The following NARS2 variants were observed in gnomAD, a reference collection of about 807,000 sequenced individuals.
NARS2 encodes the protein asparaginyl-tRNA synthetase 2, mitochondrial.
A neutral mutation model predicts 62.9 loss-of-function variants in NARS2; 60 were observed. The ratio of observed to expected loss-of-function variants is 0.95; its 90% confidence interval spans 0.77 to 1.18. The LOEUF is 1.18. Ranked by LOEUF, NARS2 falls within the 50% of genes most tolerant of loss-of-function variation. NARS2 has a pLI of 0.00. For missense variants in NARS2, 619 were observed against 576.4 expected, an observed-to-expected ratio of 1.07 and a Z score of -0.76; for synonymous variants, 196 against 200.0, an observed-to-expected ratio of 0.98 and a Z score of 0.17.
chr11:78,478,923 G>A (rs1461397143), intron 7 of NARS2, among the ~76,000 whole-genome samples: 1 of 152,270 alleles, frequency 6.6e-6, no homozygotes, highest in South Asian at 2.1e-4. Flanking sequence ...TTCAATGCTG[G>A]TAAAGAAGTG....
At chr11:78,439,438 T>C (rs924804315) in intron 13 of NARS2, among the ~76,000 whole-genome samples, 4 of 152,152 alleles carry the variant, frequency 2.6e-5, no homozygotes, top group Non-Finnish European at 5.9e-5. Context: ...CAGGCTTATC[T>C]ACCTAATAGC....
chr11:78,509,826 C>CAA (rs71046976), intron 6 of NARS2, among the ~76,000 whole-genome samples: 2,283 of 116,150 alleles, frequency 0.02, 39 homozygotes, highest in African/African-American at 0.05. Context: ...GACTCTGTCT[C>CAA]AAAAAAAAAA....
chr11:78,574,609 T>G lies in NARS2; in HGVS notation c.-121A>C. Reference sequence around the variant, plus strand: ...CGGCCGCAGCTCTGCTCTAAGGCACTCCAGAGCCCCTCGGCTGCGCGCTTT... The same window carrying G: ...CGGCCGCAGCTCTGCTCTAAGGCACGCCAGAGCCCCTCGGCTGCGCGCTTT... On this transcript the variant is annotated 5_prime_UTR_variant, in exon 1 of 14. Transcript: ENST00000281038. The G allele has an allele frequency of 9.0e-7, 1 of 1,115,492 alleles. No individual in the cohort carries two copies. Among genetic ancestry groups the G allele is most frequent in the Non-Finnish European group, 1.2e-6 (1 of 807,116 alleles). 69.1% of individuals were successfully genotyped at this position (1,115,492 alleles called of 1,614,324 possible). A position where few individuals can be genotyped will look rare whatever the true frequency, so the allele number is the denominator to read the frequency against.
intron 3 of NARS2, among the ~76,000 whole-genome samples, chr11:78,566,938 C>T (rs1039872612): frequency 1.4e-5 from 2 of 139,318 alleles, no homozygotes; most frequent in Non-Finnish European, 3.2e-5. Context: ...AAGAGCTACA[C>T]TGGCAGCCTG....
chr11:78,490,280 T>C (rs1859760543), intron 7 of NARS2, among the ~76,000 whole-genome samples: 1 of 152,194 alleles, frequency 6.6e-6, no homozygotes, highest in South Asian at 2.1e-4. Flanking sequence ...ACTGTTCTCC[T>C]GGGATAACTG....
At chr11:78,571,503 TACAC>T in intron 1 of NARS2, 59 bp from the exon 2 acceptor site, 1 of 1,155,634 alleles carries the variant, frequency 8.7e-7, no homozygotes, top group East Asian at 2.4e-5. Context: ...TCATTACACA[TACAC>T]ACACAGACTA....
intron 5 of NARS2, among the ~76,000 whole-genome samples, chr11:78,556,656 C>T (rs1048995402): frequency 1.3e-5 from 2 of 152,152 alleles, no homozygotes; most frequent in Non-Finnish European, 2.9e-5. Context: ...GGAAGTGTTG[C>T]CTGATTCTTG....
chr11:78,499,211 C>T (rs1042590440), intron 6 of NARS2, among the ~76,000 whole-genome samples: 8 of 152,098 alleles, frequency 5.3e-5, no homozygotes, highest in East Asian at 1.9e-4. Flanking sequence ...CCACCGCGCC[C>T]GGCCCATCCT....
intron 5 of NARS2, among the ~76,000 whole-genome samples, chr11:78,547,131 G>T (rs1293270575): frequency 6.6e-6 from 1 of 152,030 alleles, no homozygotes; most frequent in African/African-American, 2.4e-5. Flanking sequence ...AGGAATTAGA[G>T]AACAGCCTGG....
intron 5 of NARS2, among the ~76,000 whole-genome samples, chr11:78,551,176 A>C (rs920482474): frequency 3.3e-5 from 5 of 152,210 alleles, no homozygotes; most frequent in Non-Finnish European, 5.9e-5. Context: ...ACTGAAAACC[A>C]TGCAACTTTA....
Position 78,458,500 on chromosome 11 carries a change from G to A in NARS2, c.1164+7376C>T, listed in dbSNP as rs931777577. ...TTATAATACACAGAGGTGGGGTGGGGACTTGAACCCAAGAGTGTCTAACTC... is the reference window on the plus strand; with the variant it reads ...TTATAATACACAGAGGTGGGGTGGGAACTTGAACCCAAGAGTGTCTAACTC... On this transcript the variant is annotated intron_variant, in intron 11 of 13. Transcript: ENST00000281038. Among the ~76,000 whole-genome samples, 14 of 152,214 alleles carry A rather than the reference G, an allele frequency of 9.2e-5. No individual in the cohort carries two copies. The East Asian group carries it at 2.7e-3, about 29-fold the overall frequency.
chr11:78,567,663 AT>A (rs1247756039), intron 3 of NARS2, among the ~76,000 whole-genome samples: 1 of 152,232 alleles, frequency 6.6e-6, no homozygotes, highest in Non-Finnish European at 1.5e-5. Context: ...TTTTACATCA[AT>A]TAGAATTTCT....
In NARS2 at chr11:78,559,536, T is replaced by TG; in HGVS notation, c.594+2_594+3insC. 1 of 1,596,664 alleles carries TG rather than the reference T, an allele frequency of 6.3e-7. No homozygotes were observed. Among genetic ancestry groups the TG allele is most frequent in the Non-Finnish European group, 8.6e-7 (1 of 1,164,640 alleles). On this transcript the variant is annotated splice_region_variant and intron_variant, in intron 5 of 13. Coordinates refer to ENST00000281038, the MANE Select transcript of NARS2 (RefSeq NM_024678.6). ...ACCCCTCAAGATGGGAAGCAAAACT[T>TG]ACTTCAAGTTGAAAAAGTTCTCCAG... is the stretch of plus-strand genomic sequence containing the variant.
intron 5 of NARS2, among the ~76,000 whole-genome samples, chr11:78,535,405 C>A (rs1295821624): frequency 2.0e-5 from 3 of 152,118 alleles, no homozygotes; most frequent in East Asian, 1.9e-4. Flanking sequence ...TAAAGTACTG[C>A]ACATTGAGAT....
intron 5 of NARS2, among the ~76,000 whole-genome samples, chr11:78,551,728 GT>G (rs1856124189): frequency 6.6e-6 from 1 of 152,096 alleles, no homozygotes; most frequent in Non-Finnish European, 1.5e-5. Flanking sequence ...GCAGGCGCCT[GT>G]AATCCCAGCT....
chr11:78,533,433 A>G (rs1447139040), intron 5 of NARS2: 1 of 152,170 alleles, frequency 6.6e-6, no homozygotes, highest in Admixed American at 6.5e-5. Flanking sequence ...TCTCATTTGA[A>G]ATTTTATCAT....
intron 11 of NARS2, among the ~76,000 whole-genome samples, chr11:78,449,458 A>G (rs1052691153): frequency 6.6e-6 from 1 of 151,562 alleles, no homozygotes; most frequent in Admixed American, 6.6e-5. Context: ...AAAACCTTAT[A>G]CCATGGTAGG....
intron 6 of NARS2, among the ~76,000 whole-genome samples, chr11:78,497,813 A>G (rs1860125101): frequency 6.6e-6 from 1 of 152,146 alleles, no homozygotes; most frequent in Non-Finnish European, 1.5e-5. Flanking sequence ...AGCCTTCACC[A>G]TTTCAACAAT....
chr11:78,478,933 G>A (rs761625392), intron 7 of NARS2, among the ~76,000 whole-genome samples: 17 of 152,166 alleles, frequency 1.1e-4, no homozygotes, highest in Non-Finnish European at 2.5e-4. Flanking sequence ...GTAAAGAAGT[G>A]AGATGTCAAA....
Sources: gnomAD v4.1 joint callset for allele counts (sites outside exome capture counted in the v4.1 genomes callset) on GRCh38, gnomAD v4.1.1 for gene constraint, MANE v1.5 for transcripts, NCBI Gene and HGNC (gene_info 2026-07-23, HGNC 2026-07-21) for gene names.